Variants in MAP3K21 observed in about 807,000 individuals in gnomAD.
The protein encoded by MAP3K21 is mitogen-activated protein kinase kinase kinase 21, also known as mitogen-activated protein kinase kinase kinase MLK4.
A neutral mutation model predicts 86.1 loss-of-function variants in MAP3K21; 63 were observed. That is an observed-to-expected ratio of 0.73 (90% CI 0.60 to 0.90). The LOEUF (loss-of-function observed/expected upper bound fraction) is 0.90, where lower values mean the gene tolerates loss of function less well. MAP3K21 is among the 40% of genes least tolerant of loss of function. The pLI, the probability that MAP3K21 is intolerant of heterozygous loss-of-function variation, is 0.00. For missense variants in MAP3K21, 1,220 were observed against 1,367.7 expected (o/e 0.89, Z 1.70); for synonymous variants, 558 against 564.8 (o/e 0.99, Z 0.17).
intron 5 of MAP3K21, among the ~76,000 whole-genome samples, chr1:233,364,150 C>T (rs960209951): frequency 5.3e-5 from 8 of 151,958 alleles, no homozygotes; most frequent in Non-Finnish European, 8.8e-5. Flanking sequence ...CCTTCAACCT[C>T]TCTGGGGTTG....
At chr1:233,344,801 A>T (rs1444202492) in intron 1 of MAP3K21, among the ~76,000 whole-genome samples, 2 of 152,234 alleles carry the variant, frequency 1.3e-5, no homozygotes, top group Non-Finnish European at 1.5e-5. Context: ...GACAACCTAC[A>T]GAATGGGAGA....
chr1:233,379,165 A>G lies in MAP3K21; in HGVS notation c.2159A>G (p.Glu720Gly). ...AGATCCCCCCAGAGAAAGAAAACGG[A>G]GTCAGCTCTGTATGGGTGCACCGTC... is the stretch of plus-strand genomic sequence containing the variant. ...LSRSPQRKKT[E>G]SALYGCTVLL... The change falls in exon 9 of 10, where the codon GAG becomes GGG. Residue 720 changes from glutamate to glycine, a missense_variant. By Grantham distance (98) the Glu-to-Gly change is moderately conservative. Coordinates refer to ENST00000366624, the MANE Select transcript of MAP3K21 (RefSeq NM_032435.3). 6.2e-7 allele frequency: 1 copy of G among 1,614,204 alleles called. No individual in the cohort carries two copies.
chr1:233,330,890 T>A (rs1662798209), intron 1 of MAP3K21, among the ~76,000 whole-genome samples: 2 of 152,204 alleles, frequency 1.3e-5, no homozygotes, highest in African/African-American at 4.8e-5. Context: ...ATCCATAGGA[T>A]TTATGGATCA....
At chr1:233,365,834 TAC>T (rs1663563621) in intron 5 of MAP3K21, among the ~76,000 whole-genome samples, 1 of 152,102 alleles carries the variant, frequency 6.6e-6, no homozygotes, top group Admixed American at 6.5e-5. Context: ...GGAATTCCAC[TAC>T]CAGGTGTTTA....
intron 4 of MAP3K21, 139 bp downstream of exon 4, chr1:233,355,150 A>G: frequency 1.5e-6 from 1 of 666,306 alleles, no homozygotes. Flanking sequence ...CTTTCAGGTT[A>G]AAAATAAAAC....
chr1:233,369,701 C>T (rs368926435), intron 5 of MAP3K21, among the ~76,000 whole-genome samples: 2 of 152,006 alleles, frequency 1.3e-5, no homozygotes, highest in African/African-American at 4.8e-5. Flanking sequence ...ATTTCAATAT[C>T]CATAAAGATC....
chr1:233,365,786 CA>C (rs200133138), intron 5 of MAP3K21, among the ~76,000 whole-genome samples: 3 of 145,942 alleles, frequency 2.1e-5, no homozygotes, highest in South Asian at 2.2e-4. Flanking sequence ...GGAGGTCTCT[CA>C]AAAAAAAAAC....
At position 233,362,161 on chromosome 1, in the gene MAP3K21, G is replaced by GTGC; in HGVS notation, c.1423_1425dup (p.Leu475dup). 2 of 1,614,234 alleles carry GTGC rather than the reference G, an allele frequency of 1.2e-6. No homozygotes were observed. The highest frequency in any genetic ancestry group is 1.7e-6 in the Non-Finnish European group (2 of 1,180,050). On this transcript the variant is annotated inframe_insertion, in exon 5 of 10. Coordinates refer to ENST00000366624, the MANE Select transcript of MAP3K21 (RefSeq NM_032435.3). Reference sequence around the variant, plus strand: ...GCAGCTGGCAGAGCGCGAGATCGACGTGCTGGAGCGGGAACTTAACATTCT... The same window carrying GTGC: ...GCAGCTGGCAGAGCGCGAGATCGACGTGCTGCTGGAGCGGGAACTTAACATTCT...
At chr1:233,353,672 C>T in intron 2 of MAP3K21, 135 bp from the exon 3 acceptor site, 1 of 752,646 alleles carries the variant, frequency 1.3e-6, no homozygotes, top group Admixed American at 3.7e-5. Context: ...GGGATGTCAG[C>T]CATTTAGGGG....
rs1279855705 is a variant in MAP3K21, at chr1:233,382,161, T to G, written c.2705-144T>G. ...TCGAGGCTGCAGTGTGCTATGATCATGCCTGTGAATGCATGTTTTTTGTTG... is the reference window on the plus strand; with the variant it reads ...TCGAGGCTGCAGTGTGCTATGATCAGGCCTGTGAATGCATGTTTTTTGTTG... On this transcript the variant is annotated intron_variant, in intron 9 of 9. Transcript: ENST00000366624. 4.2e-6 allele frequency: 3 copies of G among 718,470 alleles called. No homozygotes were observed. In the East Asian group the frequency reaches 8.1e-5, roughly 19 times the overall value. The allele number at this position is 718,470 out of a possible 1,614,324, so 44.5% of individuals were successfully genotyped here. A position where few individuals can be genotyped will look rare whatever the true frequency, so the allele number is the denominator to read the frequency against.
chr1:233,354,697 CA>C, intron 3 of MAP3K21, 138 bp from the exon 4 acceptor site: 1 of 694,396 alleles, frequency 1.4e-6, no homozygotes, highest in Non-Finnish European at 2.5e-6. Flanking sequence ...TTAAAATCTT[CA>C]GGAGCAGATA....
intron 2 of MAP3K21, among the ~76,000 whole-genome samples, chr1:233,351,158 TA>T (rs1479617978): frequency 6.6e-6 from 1 of 152,164 alleles, no homozygotes; most frequent in African/African-American, 2.4e-5. Context: ...TTTTTGAAAT[TA>T]TGAAGATGTC....
chr1:233,332,723 G>T (rs1031055322), intron 1 of MAP3K21, among the ~76,000 whole-genome samples: 3 of 152,200 alleles, frequency 2.0e-5, no homozygotes, highest in African/African-American at 7.2e-5. Flanking sequence ...TGAAATATTA[G>T]AATTTTGTTT....
chr1:233,368,735 TCTC>T (rs1663628687), intron 5 of MAP3K21, among the ~76,000 whole-genome samples: 2 of 151,730 alleles, frequency 1.3e-5, no homozygotes, highest in African/African-American at 2.4e-5. Context: ...GTCTTCCAAA[TCTC>T]CTCCAGCCTG....
rs1399269576 is a variant in MAP3K21 at position 233,379,111 on chromosome 1, T to C, written c.2105T>C (p.Ile702Thr). The change falls in exon 9 of 10, where the codon ATT (isoleucine) becomes ACT (threonine). Residue 702 changes from isoleucine to threonine, a missense_variant. Ile to Thr is a moderately conservative substitution (Grantham distance 89). Coordinates refer to ENST00000366624, the MANE Select transcript of MAP3K21 (RefSeq NM_032435.3). ...AASANAATVS[I>T]EMTPTNSLSR... ...TCTGCGAATGCTGCCACAGTCTCCA[T>C]TGAGATGACTCCTACGAATAGTCTG... The C allele has an allele frequency of 1.9e-6, 3 of 1,614,110 alleles. No homozygotes were observed. The highest frequency in any genetic ancestry group is 2.2e-5 in the East Asian group (1 of 44,872).
At position 233,354,949 on chromosome 1, in the gene MAP3K21, A is replaced by C; in HGVS notation, c.1249A>C (p.Met417Leu). ...GATGCCTCAAGAATCTTTTCATTCCATGCAAGATGACTGGAAACTAGAAAT... is the reference window on the plus strand; with the variant it reads ...GATGCCTCAAGAATCTTTTCATTCCCTGCAAGATGACTGGAAACTAGAAAT... ...TEMPQESFHS[M>L]QDDWKLEIQQ... The change falls in exon 4 of 10, where the codon ATG becomes CTG. Residue 417 changes from methionine to leucine, a missense_variant. Physicochemically the swap from Met to Leu is conservative, Grantham distance 15. This residue lies in a region of MAP3K21 where 126 missense variants were observed against 127.7 expected (regional missense o/e 0.99). Transcript: ENST00000366624. 6.2e-7 allele frequency: 1 copy of C among 1,614,082 alleles called. No individual in the cohort carries two copies. The highest frequency in any genetic ancestry group is 8.5e-7 in the Non-Finnish European group (1 of 1,179,916).
chr1:233,366,367 A>G (rs1663573732), intron 5 of MAP3K21, among the ~76,000 whole-genome samples: 1 of 152,226 alleles, frequency 6.6e-6, no homozygotes. Context: ...CAACACAAAG[A>G]AATGATCAAT....
rs776921086 is a variant in MAP3K21 at position 233,328,172 on chromosome 1, C to G, written c.144C>G (p.Asp48Glu). Residue 48 changes from aspartate (D) to glutamate (E), a missense_variant, in exon 1 of 10, where the codon GAC (aspartate) becomes GAG (glutamate). Physicochemically the swap from Asp to Glu is conservative, Grantham distance 45. This residue lies in a region of MAP3K21 where 369 missense variants were observed against 385.3 expected (regional missense o/e 0.96). Transcript: ENST00000366624. The surrounding 1 kb of genome is among the most constrained non-coding windows in gnomAD (Gnocchi z 8.7). ...CGGGGCTGTGGGCCGCGCTCTATGA[C>G]TACGAGGCTCGCGGCGAGGACGAGC... ...AGAGLWAALY[D>E]YEARGEDELS... The G allele has an allele frequency of 2.1e-4, 303 of 1,474,918 alleles. 4 individuals are homozygous for G. Among genetic ancestry groups the G allele is most frequent in the Non-Finnish European group, 6.2e-6 (7 of 1,120,440 alleles). 91.4% of individuals were successfully genotyped at this position (1,474,918 alleles called of 1,614,324 possible). A position where few individuals can be genotyped will look rare whatever the true frequency, so the allele number is the denominator to read the frequency against.
At chr1:233,355,141 T>C (rs1572247755) in intron 4 of MAP3K21, 130 bp downstream of exon 4, 3 of 679,908 alleles carry the variant, frequency 4.4e-6, no homozygotes, top group East Asian at 5.6e-5. Flanking sequence ...TCTCACCTTC[T>C]TTCAGGTTAA....
Sources: gnomAD v4.1 joint callset for allele counts (sites outside exome capture counted in the v4.1 genomes callset) on GRCh38, gnomAD v4.1.1 for gene constraint, gnomAD v4.1.1 regional missense constraint, Gnocchi (gnomAD v3.1) non-coding constraint, MANE v1.5 for transcripts, NCBI Gene and HGNC (gene_info 2026-07-23, HGNC 2026-07-21) for gene names.